Variants in HYAL4 observed in about 807,000 individuals in gnomAD.
HYAL4 encodes the protein hyaluronidase 4, also known as hyaluronidase-4.
In HYAL4, 37 loss-of-function variants were observed where a neutral mutation model predicts 35.2. That is an observed-to-expected ratio of 1.05 (90% CI 0.81 to 1.38). The LOEUF (loss-of-function observed/expected upper bound fraction) is 1.38, where lower values mean the gene tolerates loss of function less well. Ranked by LOEUF, HYAL4 falls within the 40% of genes most tolerant of loss-of-function variation. The pLI, the probability that HYAL4 is intolerant of heterozygous loss-of-function variation, is 0.00. For synonymous variants in HYAL4, 198 were observed against 203.2 expected (o/e 0.97, Z 0.22); for missense variants, 572 against 572.4 (o/e 1.00, Z 0.01).
At chr7:123,838,763 G>A (rs7779309) in intron 1 of HYAL4, among the ~76,000 whole-genome samples, 3,204 of 152,066 alleles carry the variant, frequency 0.021, 105 homozygotes, top group African/African-American at 0.073. Flanking sequence ...TTTGTCCTCA[G>A]GAATACTGAT....
chr7:123,871,163 T>A (rs1198610953), intron 3 of HYAL4, among the ~76,000 whole-genome samples: 1 of 151,988 alleles, frequency 6.6e-6, no homozygotes, highest in Non-Finnish European at 1.5e-5. Context: ...CCCACCATTG[T>A]ACCCTATTGA....
At chr7:123,846,820 T>C (rs1322723147) in intron 1 of HYAL4, among the ~76,000 whole-genome samples, 1 of 152,222 alleles carries the variant, frequency 6.6e-6, no homozygotes, top group Admixed American at 6.5e-5. Flanking sequence ...AGGGCTTTTC[T>C]TGCTGCTTCC....
intron 2 of HYAL4, among the ~76,000 whole-genome samples, chr7:123,856,748 A>C (rs1238173464): frequency 2.0e-5 from 3 of 152,200 alleles, no homozygotes; most frequent in Non-Finnish European, 4.4e-5. Context: ...CAGAGCCAGC[A>C]GGCAGGAACA....
the HYAL4 span, among the ~76,000 whole-genome samples, chr7:123,793,120 C>T: frequency 2.0e-5 from 3 of 152,168 alleles, no homozygotes; most frequent in African/African-American, 7.2e-5. Flanking sequence ...TCAAAACATT[C>T]TGTGATGGTC....
Position 123,868,913 on chromosome 7 carries a change from CT to C in HYAL4, c.643del (p.Trp215GlyfsTer29). On this transcript the variant is annotated frameshift_variant, in exon 3 of 5. Coordinates refer to ENST00000223026, the MANE Select transcript of HYAL4 (RefSeq NM_012269.3). LOFTEE classifies it high-confidence loss of function. ...KLGIKSRPKG[L>X]WGYYLYPDCH... The stretch of plus-strand genomic sequence containing the variant: ...GGGAATTAAGAGCCGACCCAAAGGC[CT>C]TTGGGGTTATTATTTATATCCTGAT... 6.2e-7 allele frequency: 1 copy of C among 1,614,182 alleles called. No individual in the cohort carries two copies. Among genetic ancestry groups the C allele is most frequent in the Non-Finnish European group, 8.5e-7 (1 of 1,180,034 alleles).
intron 2 of HYAL4, among the ~76,000 whole-genome samples, chr7:123,849,569 T>G (rs1806254873): frequency 6.6e-6 from 1 of 152,184 alleles, no homozygotes; most frequent in African/African-American, 2.4e-5. Flanking sequence ...CCCAAAGTGC[T>G]AGGATTACAG....
chr7:123,778,005 T>A, the HYAL4 span, among the ~76,000 whole-genome samples: 1 of 152,084 alleles, frequency 6.6e-6, no homozygotes, highest in Non-Finnish European at 1.5e-5. Context: ...TCTAAATTAT[T>A]TTTATTTTAA....
intron 1 of HYAL4, among the ~76,000 whole-genome samples, chr7:123,839,099 T>G (rs962200872): frequency 2.0e-5 from 3 of 152,068 alleles, no homozygotes; most frequent in Admixed American, 6.6e-5. Flanking sequence ...AACTTATCAT[T>G]TACATTAGGT....
chr7:123,849,065 G>A (rs888999540), intron 2 of HYAL4, among the ~76,000 whole-genome samples: 4 of 152,128 alleles, frequency 2.6e-5, no homozygotes, highest in South Asian at 2.1e-4. Flanking sequence ...ACAGTATAAG[G>A]AAGGTAAATC....
the HYAL4 span, among the ~76,000 whole-genome samples, chr7:123,789,363 G>A: frequency 2.6e-5 from 4 of 152,152 alleles, no homozygotes; most frequent in Non-Finnish European, 4.4e-5. Flanking sequence ...CTTAGAGAAT[G>A]GACTATAATC....
chr7:123,773,810 A>G, the HYAL4 span, among the ~76,000 whole-genome samples: 10 of 152,286 alleles, frequency 6.6e-5, no homozygotes, highest in African/African-American at 2.2e-4. Context: ...TCTTCTTCTT[A>G]GGCAATGCTC....
chr7:123,870,734 T>C (rs914763105), intron 3 of HYAL4, among the ~76,000 whole-genome samples: 5 of 146,700 alleles, frequency 3.4e-5, no homozygotes, highest in African/African-American at 1.3e-4. Context: ...CACTCCAGCC[T>C]GGGCGACAGA....
rs1456641069 is a variant in HYAL4 at position 123,869,017 on chromosome 7, C to G, written c.744C>G (p.Leu248=). 3.7e-6 allele frequency: 6 copies of G among 1,614,152 alleles called. No homozygotes were observed. Among genetic ancestry groups the G allele is most frequent in the Non-Finnish European group, 5.1e-6 (6 of 1,179,990 alleles). The part of the protein sequence containing the change: ...PEDEVLRNNE[L]SWLWNSSAAL... ...ACGAAGTCTTGAGGAACAATGAGCT[C>G]TCTTGGCTCTGGAACAGCAGTGCTG... The change falls in exon 3 of 5, where the codon CTC becomes CTG. Residue 248 remains leucine (L), a synonymous_variant. Coordinates refer to ENST00000223026, the MANE Select transcript of HYAL4 (RefSeq NM_012269.3).
At chr7:123,817,268 A>G in the HYAL4 span, among the ~76,000 whole-genome samples, 3 of 152,134 alleles carry the variant, frequency 2.0e-5, no homozygotes, top group Non-Finnish European at 2.9e-5. Context: ...TGTAATCTAT[A>G]TAGTCACCCA....
At chr7:123,817,812 C>G in the HYAL4 span, among the ~76,000 whole-genome samples, 1 of 146,794 alleles carries the variant, frequency 6.8e-6, no homozygotes, top group Non-Finnish European at 1.5e-5. Flanking sequence ...TCTTTATATG[C>G]AAAAAGAAAA....
At chr7:123,867,711 G>A in intron 2 of HYAL4, among the ~76,000 whole-genome samples, 1 of 152,012 alleles carries the variant, frequency 6.6e-6, no homozygotes, top group East Asian at 1.9e-4. Context: ...TACTTGTTAT[G>A]CATTTTTATT....
chr7:123,808,050 C>T, the HYAL4 span, among the ~76,000 whole-genome samples: 1 of 151,496 alleles, frequency 6.6e-6, no homozygotes, highest in African/African-American at 2.4e-5. Flanking sequence ...GGTGTGATTA[C>T]AGGCATGAGG....
At chr7:123,794,802 G>C in the HYAL4 span, among the ~76,000 whole-genome samples, 15 of 152,260 alleles carry the variant, frequency 9.9e-5, no homozygotes, top group Non-Finnish European at 1.2e-4. Flanking sequence ...AGGGAAATGT[G>C]GGGTCAGAGC....
the HYAL4 span, among the ~76,000 whole-genome samples, chr7:123,764,627 G>A: frequency 2.6e-5 from 4 of 152,238 alleles, no homozygotes; most frequent in African/African-American, 4.8e-5. Context: ...AAGGGAAGAT[G>A]CTTGGGAGTT....
Sources: allele counts gnomAD v4.1 joint callset (sites outside exome capture counted in the v4.1 genomes callset), GRCh38; gene constraint gnomAD v4.1.1; transcripts MANE v1.5; gene names NCBI Gene and HGNC (gene_info 2026-07-23, HGNC 2026-07-21).